ONECUT2: variants seen among roughly 807,000 people sequenced by gnomAD.
ONECUT2 encodes one cut domain family member 2.
Under a neutral mutation model 27.9 loss-of-function variants are expected in ONECUT2, and 10 were observed. The ratio of observed to expected loss-of-function variants is 0.36; its 90% CI spans 0.22 to 0.61. The LOEUF (loss-of-function observed/expected upper bound fraction) is 0.61. Among genes scored for constraint, ONECUT2 ranks in the 20% least tolerant of loss-of-function variants. The probability of loss-of-function intolerance (pLI) is 0.73; values close to 1 mark genes in which losing one functional copy is unlikely to be tolerated. For missense variants in ONECUT2, 686 were observed against 721.0 expected, an observed-to-expected ratio of 0.95 and a Z score of 0.56; for synonymous variants, 334 against 315.1, an observed-to-expected ratio of 1.06 and a Z score of -0.64.
rs1456518231 is a variant in ONECUT2, at chr18:57,436,532, C to T, written c.816C>T (p.Arg272=). The change falls in exon 1 of 2, where the codon CGC becomes CGT. Residue 272 remains arginine (R), a synonymous_variant. Coordinates refer to ENST00000491143, the MANE Select transcript of ONECUT2 (RefSeq NM_004852.3). The surrounding 1 kb of genome is among the most constrained non-coding windows in gnomAD (Gnocchi z 5.9). ...CGCACCACACTGCCATGCTGACCCG[C>T]GGTGAGCAACACCTGTCCCGCGGCC... ...FDAHHTAMLT[R]GEQHLSRGLG... 1 of 1,612,686 alleles carries T rather than the reference C, an allele frequency of 6.2e-7. No individual in the cohort carries two copies. The highest frequency in any genetic ancestry group is 2.2e-5 in the East Asian group (1 of 44,858).
At position 57,436,625 on chromosome 18, in the gene ONECUT2, T is replaced by A; in HGVS notation, c.909T>A (p.Ser303=). The A allele has an allele frequency of 6.2e-7, 1 of 1,611,454 alleles. No individual in the cohort carries two copies. The highest frequency in any genetic ancestry group is 8.5e-7 in the Non-Finnish European group (1 of 1,179,864). The change falls in exon 1 of 2, where the codon TCT becomes TCA. Residue 303 remains serine (S), a synonymous_variant. Transcript: ENST00000491143. This position sits in a 1 kb window ranked among gnomAD's most constrained non-coding sequence, Gnocchi z 5.9. ...TGCACCACCCGGGCCACACTCAGTCTCACGGGCCGGTGCTGGCACCCAGTC... is the reference window on the plus strand; with the variant it reads ...TGCACCACCCGGGCCACACTCAGTCACACGGGCCGGTGCTGGCACCCAGTC... ...NGLHHPGHTQ[S]HGPVLAPSRE... is the part of the protein sequence containing the mutation.
intron 1 of ONECUT2, among the ~76,000 whole-genome samples, chr18:57,440,837 G>A (rs1037402429): frequency 6.6e-6 from 1 of 152,198 alleles, no homozygotes; most frequent in African/African-American, 2.4e-5. Flanking sequence ...TAGGGCTCCC[G>A]ACTCAGCCCA....
At position 57,481,680 on chromosome 18, in the gene ONECUT2, G is replaced by A. The variant is rs1248187012; in HGVS notation, c.*4957G>A. 1 of 152,168 alleles carries A rather than the reference G, an allele frequency of 6.6e-6. No individual in the cohort carries two copies. The highest frequency in any genetic ancestry group is 1.5e-5 in the Non-Finnish European group (1 of 68,036). The allele number at this position is 152,168 out of a possible 1,614,324, so 9.4% of individuals were successfully genotyped here. A position where few individuals can be genotyped will look rare whatever the true frequency, so the allele number is the denominator to read the frequency against. On this transcript the variant is annotated 3_prime_UTR_variant, in exon 2 of 2. Transcript: ENST00000491143. ...CATTACCAAAGTGTCATGACAGTAT[G>A]CCTTTGTAGTGAACTCGGATTTTCA...
chr18:57,474,259 T>A (rs2050369561), intron 1 of ONECUT2, among the ~76,000 whole-genome samples: 1 of 152,190 alleles, frequency 6.6e-6, no homozygotes, highest in African/African-American at 2.4e-5. Flanking sequence ...TATATTACTT[T>A]ATAGCACACA....
chr18:57,435,806 C>A lies in ONECUT2; in HGVS notation c.90C>A (p.Gly30=). The stretch of plus-strand genomic sequence containing the variant: ...CGGAGCTGACAATGGAAAGTCTGGG[C>A]ACTTTGCACGGGCCGGCCGGCGGCG... ...MNPELTMESL[G]TLHGPAGGGS... The change falls in exon 1 of 2, where the codon GGC becomes GGA. Residue 30 remains glycine (G), a synonymous_variant. Coordinates refer to ENST00000491143, the MANE Select transcript of ONECUT2 (RefSeq NM_004852.3). 1 of 1,162,822 alleles carries A rather than the reference C, an allele frequency of 8.6e-7. No homozygotes were observed. The allele number at this position is 1,162,822 out of a possible 1,614,324, so 72.0% of individuals were successfully genotyped here. A position where few individuals can be genotyped will look rare whatever the true frequency, so the allele number is the denominator to read the frequency against.
intron 1 of ONECUT2, among the ~76,000 whole-genome samples, chr18:57,442,656 G>A (rs944176467): frequency 6.6e-6 from 1 of 152,126 alleles, no homozygotes; most frequent in African/African-American, 2.4e-5. Flanking sequence ...CCACTTGAAA[G>A]ACTCCTAGGC....
intron 1 of ONECUT2, among the ~76,000 whole-genome samples, chr18:57,453,756 T>C (rs2050244026): frequency 6.6e-6 from 1 of 152,254 alleles, no homozygotes; most frequent in Non-Finnish European, 1.5e-5. Context: ...TACCAGAGTT[T>C]CATCTGCATG....
intron 1 of ONECUT2, among the ~76,000 whole-genome samples, chr18:57,470,127 T>C (rs923699437): frequency 1.3e-5 from 2 of 152,240 alleles, no homozygotes; most frequent in African/African-American, 4.8e-5. Context: ...TGTCTGCTGA[T>C]ACAGGCCGTG....
At chr18:57,444,957 G>A (rs1235456350) in intron 1 of ONECUT2, among the ~76,000 whole-genome samples, 1 of 152,144 alleles carries the variant, frequency 6.6e-6, no homozygotes, top group Non-Finnish European at 1.5e-5. Context: ...GACCCAGTTG[G>A]GGATGTTTTT....
At chr18:57,463,619 A>G (rs189493920) in intron 1 of ONECUT2, among the ~76,000 whole-genome samples, 69 of 152,308 alleles carry the variant, frequency 4.5e-4, no homozygotes, top group Admixed American at 3.0e-3. Context: ...CAATCAATTT[A>G]TTTAGGTATT....
rs1164381091 is a variant in ONECUT2 at position 57,436,837 on chromosome 18, A to G, written c.1121A>G (p.Asn374Ser). 6.2e-7 allele frequency: 1 copy of G among 1,613,988 alleles called. No homozygotes were observed. The highest frequency in any genetic ancestry group is 8.5e-7 in the Non-Finnish European group (1 of 1,180,032). Residue 374 changes from asparagine to serine, a missense_variant, in exon 1 of 2, where the codon AAT becomes AGT. Physicochemically the swap from Asn to Ser is conservative, Grantham distance 46. Around this residue, in one of 4 missense-constraint regions of ONECUT2, gnomAD observed 47 missense variants for 86.0 expected, o/e 0.55. Coordinates refer to ENST00000491143, the MANE Select transcript of ONECUT2 (RefSeq NM_004852.3). The surrounding 1 kb of genome is among the most constrained non-coding windows in gnomAD (Gnocchi z 5.9). ...GGGACTCTCTCCGACCTGCTCCGGAATCCAAAACCGTGGAGTAAACTCAAA... is the reference window on the plus strand; with the variant it reads ...GGGACTCTCTCCGACCTGCTCCGGAGTCCAAAACCGTGGAGTAAACTCAAA... ...SQGTLSDLLR[N>S]PKPWSKLKSG... is the part of the protein sequence containing the mutation.
rs772533012 is a variant in ONECUT2, at chr18:57,436,635, G to C, written c.919G>C (p.Val307Leu). 6.2e-7 allele frequency: 1 copy of C among 1,611,904 alleles called. No homozygotes were observed. Among genetic ancestry groups the C allele is most frequent in the East Asian group, 2.2e-5 (1 of 44,876 alleles). The change falls in exon 1 of 2, where the codon GTG becomes CTG. Residue 307 changes from valine to leucine, a missense_variant. Val to Leu is a conservative substitution (Grantham distance 32, BLOSUM62 1). Transcript: ENST00000491143. This position sits in a 1 kb window ranked among gnomAD's most constrained non-coding sequence, Gnocchi z 5.9. ...HPGHTQSHGPVLAPSRERPPS... is the reference protein window; with the variant it reads ...HPGHTQSHGPLLAPSRERPPS... Reference sequence around the variant, plus strand: ...GGGCCACACTCAGTCTCACGGGCCGGTGCTGGCACCCAGTCGCGAGCGGCC... The same window carrying C: ...GGGCCACACTCAGTCTCACGGGCCGCTGCTGGCACCCAGTCGCGAGCGGCC...
At chr18:57,475,931 C>A (rs2050379562) in intron 1 of ONECUT2, among the ~76,000 whole-genome samples, 1 of 152,122 alleles carries the variant, frequency 6.6e-6, no homozygotes, top group African/African-American at 2.4e-5. Context: ...TAAATTCATT[C>A]TGTTAACAAT....
rs932112850 is a variant in ONECUT2 at position 57,490,086 on chromosome 18, T to A, written c.*13363T>A. The stretch of plus-strand genomic sequence containing the variant: ...TAGTTCTCTTCTTCATCTTTGCATT[T>A]CTCAAAAGTGTTCTCCTGGACCAGA... On this transcript the variant is annotated 3_prime_UTR_variant, in exon 2 of 2. Transcript: ENST00000491143. 2.0e-5 allele frequency: 3 copies of A among 152,240 alleles called. No individual in the cohort carries two copies. The highest frequency in any genetic ancestry group is 2.9e-5 in the Non-Finnish European group (2 of 68,046). The allele number at this position is 152,240 out of a possible 1,614,324, so 9.4% of individuals were successfully genotyped here. A position where few individuals can be genotyped will look rare whatever the true frequency, so the allele number is the denominator to read the frequency against.
chr18:57,467,899 T>C (rs2050332851), intron 1 of ONECUT2, among the ~76,000 whole-genome samples: 1 of 152,206 alleles, frequency 6.6e-6, no homozygotes, highest in Admixed American at 6.5e-5. Context: ...TGGCCCCTCC[T>C]GCCTTCTTGT....
intron 1 of ONECUT2, among the ~76,000 whole-genome samples, chr18:57,467,522 C>T (rs1191617818): frequency 8.5e-6 from 1 of 118,068 alleles, no homozygotes; most frequent in Admixed American, 8.9e-5. Flanking sequence ...CACGCCACCA[C>T]ACTTGGCTAA....
chr18:57,465,040 T>C (rs1271174791), intron 1 of ONECUT2, among the ~76,000 whole-genome samples: 4 of 152,182 alleles, frequency 2.6e-5, no homozygotes, highest in Non-Finnish European at 1.5e-5. Flanking sequence ...CTGAACCACA[T>C]AAAATTCTAG....
chr18:57,461,886 G>C (rs889514101), intron 1 of ONECUT2, among the ~76,000 whole-genome samples: 51 of 152,260 alleles, frequency 3.3e-4, no homozygotes, highest in African/African-American at 1.2e-3. Context: ...CCCCGCAGTG[G>C]TGAAGGCCAG....
chr18:57,447,564 G>A (rs926611576), intron 1 of ONECUT2, among the ~76,000 whole-genome samples: 4 of 152,210 alleles, frequency 2.6e-5, no homozygotes, highest in Admixed American at 6.5e-5. Flanking sequence ...ACCGCTGGGG[G>A]GCGGGGGATT....
Sources: allele counts gnomAD v4.1 joint callset (sites outside exome capture counted in the v4.1 genomes callset), GRCh38; gene constraint gnomAD v4.1.1; regional missense constraint gnomAD v4.1.1; non-coding constraint Gnocchi (gnomAD v3.1); transcripts MANE v1.5; gene names NCBI Gene and HGNC (gene_info 2026-07-23, HGNC 2026-07-21).